Variants in SLC68A1 observed in about 807,000 individuals in gnomAD.
SLC68A1 encodes the protein major facilitator superfamily domain containing 13A.
chr10:102,470,994 C>T, the SLC68A1 span: 4 of 1,613,378 alleles, frequency 2.5e-6, no homozygotes, highest in Non-Finnish European at 3.4e-6. Context: ...TCCTTCCGCG[C>T]TTTCTGCGTG....
chr10:102,472,825 GCCT>G, the SLC68A1 span: 1 of 1,582,782 alleles, frequency 6.3e-7, no homozygotes, highest in Non-Finnish European at 8.7e-7. Context: ...CCCACTGGAA[GCCT>G]CCTCACCATC....
the SLC68A1 span, chr10:102,469,020 G>T: frequency 6.2e-7 from 1 of 1,609,514 alleles, no homozygotes; most frequent in East Asian, 2.2e-5. Flanking sequence ...CTAAGGCTGG[G>T]GCTGCAGCCA....
chr10:102,473,121 C>CTGGGATT, the SLC68A1 span: 1 of 635,426 alleles, frequency 1.6e-6, no homozygotes, highest in Non-Finnish European at 2.8e-6. Flanking sequence ...CCACTGCGCC[C>CTGGGATT]AGCCAGGGAC....
the SLC68A1 span, chr10:102,471,191 G>T: frequency 6.3e-7 from 1 of 1,599,144 alleles, no homozygotes; most frequent in Non-Finnish European, 8.6e-7. Context: ...TGGGTCCCCG[G>T]CTGATGGGGG....
At chr10:102,468,914 T>A in the SLC68A1 span, 1 of 799,140 alleles carries the variant, frequency 1.3e-6, no homozygotes, top group Non-Finnish European at 2.0e-6. Flanking sequence ...AGAACAGAGC[T>A]GGCTCTGATC....
At chr10:102,472,899 G>A in the SLC68A1 span, 1 of 1,614,142 alleles carries the variant, frequency 6.2e-7, no homozygotes, top group Non-Finnish European at 8.5e-7. Flanking sequence ...TCTCTTCCTG[G>A]AGCATCTGTT....
At chr10:102,468,204 C>T in the SLC68A1 span, 3 of 152,246 alleles carry the variant, frequency 2.0e-5, no homozygotes, top group African/African-American at 7.2e-5. Context: ...TCAATACCAA[C>T]AGTGAGTGCT....
the SLC68A1 span, chr10:102,469,912 G>T: frequency 3.9e-6 from 6 of 1,532,768 alleles, no homozygotes; most frequent in Non-Finnish European, 5.3e-6. Flanking sequence ...TCTTTCAGGG[G>T]TGGTGAGCAG....
chr10:102,468,135 A>G, the SLC68A1 span, among the ~76,000 whole-genome samples: 7 of 152,092 alleles, frequency 4.6e-5, no homozygotes, highest in Admixed American at 6.5e-5. Context: ...CCCTGATTCC[A>G]TATCATTTAA....
At chr10:102,471,330 C>A in the SLC68A1 span, 1 of 1,613,898 alleles carries the variant, frequency 6.2e-7, no homozygotes, top group South Asian at 1.1e-5. Context: ...TCACCTTGGG[C>A]CGGTATCTCC....
At chr10:102,469,185 C>T in the SLC68A1 span, 1 of 1,613,934 alleles carries the variant, frequency 6.2e-7, no homozygotes, top group Non-Finnish European at 8.5e-7. Context: ...AAATGGCCTT[C>T]TGGGTCGGAG....
the SLC68A1 span, chr10:102,472,888 C>A: frequency 2.5e-6 from 4 of 1,614,214 alleles, no homozygotes; most frequent in East Asian, 2.2e-5. Context: ...AACTTCTTCC[C>A]TCTCTTCCTG....
chr10:102,469,995 AGT>A, the SLC68A1 span: 1 of 1,613,828 alleles, frequency 6.2e-7, no homozygotes, highest in Non-Finnish European at 8.5e-7. Context: ...GCCTGCAGAC[AGT>A]GTTTCTCCTC....
the SLC68A1 span, among the ~76,000 whole-genome samples, chr10:102,474,662 C>T: frequency 6.6e-6 from 1 of 151,926 alleles, no homozygotes; most frequent in African/African-American, 2.4e-5. Context: ...TATTTATTTA[C>T]TTTTTGAGAT....
the SLC68A1 span, among the ~76,000 whole-genome samples, chr10:102,474,450 A>G: frequency 6.6e-6 from 1 of 152,094 alleles, no homozygotes; most frequent in Non-Finnish European, 1.5e-5. Flanking sequence ...CCTCTCCGAG[A>G]AGGTGCCCCT....
the SLC68A1 span, chr10:102,471,248 T>C: frequency 6.2e-7 from 1 of 1,609,628 alleles, no homozygotes; most frequent in East Asian, 2.2e-5. Context: ...CCCCAGGCAG[T>C]TCTCCACTCC....
chr10:102,476,100 G>A, the SLC68A1 span: 1 of 1,082,146 alleles, frequency 9.2e-7, no homozygotes, highest in Non-Finnish European at 1.2e-6. Flanking sequence ...TTTTGGAGCT[G>A]TTGCCCAAAA....
the SLC68A1 span, chr10:102,470,750 T>C: frequency 6.2e-7 from 1 of 1,613,886 alleles, no homozygotes; most frequent in Non-Finnish European, 8.5e-7. Flanking sequence ...GGCGCTGTCG[T>C]TCCTGGCGTT....
At chr10:102,463,037 C>T in the SLC68A1 span, among the ~76,000 whole-genome samples, 1 of 152,144 alleles carries the variant, frequency 6.6e-6, no homozygotes, top group Non-Finnish European at 1.5e-5. Context: ...TGCTGCTGTT[C>T]CCTAGGGCTG....
Sources: allele counts gnomAD v4.1 joint callset (sites outside exome capture counted in the v4.1 genomes callset), GRCh38; gene constraint gnomAD v4.1.1; transcripts MANE v1.5; gene names NCBI Gene and HGNC (gene_info 2026-07-23, HGNC 2026-07-21).